The following SLC39A7 variants were observed in gnomAD, a reference collection of about 807,000 sequenced individuals.
SLC39A7 encodes the protein zinc transporter SLC39A7.
SLC39A7 carries 25 observed loss-of-function variants against 39.7 expected under a neutral mutation model. The ratio of observed to expected loss-of-function variants is 0.63; its 90% CI spans 0.46 to 0.88. The LOEUF is 0.88. SLC39A7 is among the 40% of genes least tolerant of loss of function. The probability of loss-of-function intolerance (pLI) is 0.00; values close to 1 mark genes in which losing one functional copy is unlikely to be tolerated. For missense variants in SLC39A7, 501 were observed against 592.1 expected (o/e 0.85, Z 1.60); for synonymous variants, 181 against 234.1 (o/e 0.77, Z 2.07).
rs747627669 is a variant in SLC39A7, at chr6:33,203,755, A to G, written c.1352A>G (p.Glu451Gly). ...GCATCACCATTGCAATCACTTCTGGAGGTGCTGGGGCTGCTGGGGGGAGTT... is the reference window on the plus strand; with the variant it reads ...GCATCACCATTGCAATCACTTCTGGGGGTGCTGGGGCTGCTGGGGGGAGTT... ...REASPLQSLL[E>G]VLGLLGGVIM... Residue 451 changes from glutamate to glycine, a missense_variant, in exon 7 of 7, where the codon GAG (glutamate) becomes GGG (glycine). Coordinates refer to ENST00000374677, the MANE Select transcript of SLC39A7 (RefSeq NM_006979.3). The G allele has an allele frequency of 1.2e-6, 2 of 1,614,108 alleles. No homozygotes were observed. Among genetic ancestry groups the G allele is most frequent in the Non-Finnish European group, 1.7e-6 (2 of 1,179,998 alleles).
chr6:33,203,987 G>C lies in SLC39A7; in HGVS notation c.*174G>C. The C allele has an allele frequency of 1.5e-6, 1 of 649,244 alleles. No individual in the cohort carries two copies. Among genetic ancestry groups the C allele is most frequent in the Non-Finnish European group, 2.7e-6 (1 of 374,670 alleles). 40.2% of individuals were successfully genotyped at this position (649,244 alleles called of 1,614,324 possible). On this transcript the variant is annotated 3_prime_UTR_variant, in exon 7 of 7. Transcript: ENST00000374677. ...GGCTGGCAGTCTTACAGAGGCTGGA[G>C]CGGTGAGAATGAGAGGCCAGAGGGA... is the stretch of plus-strand genomic sequence containing the variant.
Position 33,202,890 on chromosome 6 carries a change from CTCT to C in SLC39A7, c.941-15_941-13del. 3 of 1,593,774 alleles carry C rather than the reference CTCT, an allele frequency of 1.9e-6. No individual in the cohort carries two copies. Among genetic ancestry groups the C allele is most frequent in the Non-Finnish European group, 2.6e-6 (3 of 1,174,754 alleles). Reference sequence around the variant, plus strand: ...GGTGATGGAAGCCTCTGATCATTTTCTCTTCTTGTCCTGTACAAGACCTGCGTG... The same window carrying C: ...GGTGATGGAAGCCTCTGATCATTTTCTCTTGTCCTGTACAAGACCTGCGTG... On this transcript the variant is annotated splice_polypyrimidine_tract_variant and intron_variant, in intron 5 of 6. Transcript: ENST00000374677.
rs770042776 is a variant in SLC39A7 at position 33,201,685 on chromosome 6, G to A, written c.411+29G>A. 6 of 1,610,992 alleles carry A rather than the reference G, an allele frequency of 3.7e-6. No homozygotes were observed. The highest frequency in any genetic ancestry group is 5.1e-6 in the Non-Finnish European group (6 of 1,177,678). On this transcript the variant is annotated intron_variant, in intron 1 of 6. Transcript: ENST00000374677. This position sits in a 1 kb window ranked among gnomAD's most constrained non-coding sequence, Gnocchi z 5.9. The stretch of plus-strand genomic sequence containing the variant: ...AGTCTCCAGGGGATGGGAGAGAGAA[G>A]GGCTGGTTCTGGATTGTTGGGAAAC...
intron 3 of SLC39A7, 45 bp from the exon 4 acceptor site, chr6:33,202,218 C>T: frequency 7.5e-6 from 12 of 1,597,366 alleles, no homozygotes; most frequent in Non-Finnish European, 1.0e-5. Context: ...GAGGAGGAGT[C>T]TGGAATGCAC....
rs1387675816 is a variant in SLC39A7 at position 33,201,622 on chromosome 6, A to G, written c.377A>G (p.Lys126Arg). 1 of 1,612,112 alleles carries G rather than the reference A, an allele frequency of 6.2e-7. No individual in the cohort carries two copies. Among genetic ancestry groups the G allele is most frequent in the Non-Finnish European group, 8.5e-7 (1 of 1,178,542 alleles). The change falls in exon 1 of 7, where the codon AAG (lysine) becomes AGG (arginine). Residue 126 changes from lysine to arginine, a missense_variant. Physicochemically the swap from Lys to Arg is conservative, Grantham distance 26. Transcript: ENST00000374677. The surrounding 1 kb of genome is among the most constrained non-coding windows in gnomAD (Gnocchi z 5.9). ...GYGESGAPGI[K>R]QDLDAVTLWA... is the part of the protein sequence containing the mutation. The stretch of plus-strand genomic sequence containing the variant: ...GGGGAGTCTGGGGCTCCAGGCATCA[A>G]GCAGGACCTGGATGCTGTCACTCTC...
At position 33,201,163 on chromosome 6, in the gene SLC39A7, G is replaced by T; in HGVS notation, c.-83G>T. The T allele has an allele frequency of 1.5e-6, 2 of 1,342,230 alleles. No individual in the cohort carries two copies. Among genetic ancestry groups the T allele is most frequent in the East Asian group, 2.3e-5 (1 of 43,554 alleles). The allele number at this position is 1,342,230 out of a possible 1,614,324, so 83.1% of individuals were successfully genotyped here. ...AGCGGCCCATAGAGGTGGACGGAGG[G>T]CGCGATTGGAGTAAAGCGGACCCTG... On this transcript the variant is annotated 5_prime_UTR_variant, in exon 1 of 7. Transcript: ENST00000374677. This position sits in a 1 kb window ranked among gnomAD's most constrained non-coding sequence, Gnocchi z 5.9.
Position 33,203,954 on chromosome 6 carries a change from C to T in SLC39A7, c.*141C>T. The T allele has an allele frequency of 1.3e-6, 1 of 780,900 alleles. No homozygotes were observed. The highest frequency in any genetic ancestry group is 2.4e-5 in the Admixed American group (1 of 41,672). 48.4% of individuals were successfully genotyped at this position (780,900 alleles called of 1,614,324 possible). A position where few individuals can be genotyped will look rare whatever the true frequency, so the allele number is the denominator to read the frequency against. On this transcript the variant is annotated 3_prime_UTR_variant, in exon 7 of 7. Transcript: ENST00000374677. Reference sequence around the variant, plus strand: ...GAGAATGGTTACTTTGGCATTAGGGCCTTCAAGGGCTGGCAGTCTTACAGA... The same window carrying T: ...GAGAATGGTTACTTTGGCATTAGGGTCTTCAAGGGCTGGCAGTCTTACAGA...
Position 33,201,427 on chromosome 6 carries a change from C to G in SLC39A7, c.182C>G (p.Ala61Gly), listed in dbSNP as rs1774548030. ...GATTTCCACCATGGCCACAGCCATG[C>G]CCATGGCCATGGCCACACTCACGAG... The part of the protein sequence containing the change: ...HEDFHHGHSH[A>G]HGHGHTHESI... The change falls in exon 1 of 7, where the codon GCC (alanine) becomes GGC (glycine). Residue 61 changes from alanine to glycine, a missense_variant. By Grantham distance (60) the Ala-to-Gly change is moderately conservative (BLOSUM62 0). Transcript: ENST00000374677. The surrounding 1 kb of genome is among the most constrained non-coding windows in gnomAD (Gnocchi z 5.9). 2.5e-6 allele frequency: 4 copies of G among 1,613,430 alleles called. No homozygotes were observed. The East Asian group carries it at 8.9e-5, about 36-fold the overall frequency.
chr6:33,201,155 G>A lies in SLC39A7; in HGVS notation c.-91G>A. 1.6e-6 allele frequency: 2 copies of A among 1,277,132 alleles called. No homozygotes were observed. Among genetic ancestry groups the A allele is most frequent in the East Asian group, 2.3e-5 (1 of 43,246 alleles). The allele number at this position is 1,277,132 out of a possible 1,614,324, so 79.1% of individuals were successfully genotyped here. On this transcript the variant is annotated 5_prime_UTR_variant, in exon 1 of 7. Coordinates refer to ENST00000374677, the MANE Select transcript of SLC39A7 (RefSeq NM_006979.3). The surrounding 1 kb of genome is among the most constrained non-coding windows in gnomAD (Gnocchi z 5.9). ...AATGGGAGAGCGGCCCATAGAGGTGGACGGAGGGCGCGATTGGAGTAAAGC... is the reference window on the plus strand; with the variant it reads ...AATGGGAGAGCGGCCCATAGAGGTGAACGGAGGGCGCGATTGGAGTAAAGC...
In SLC39A7 at chr6:33,203,083, C is replaced by T. The variant is rs201790479; in HGVS notation, c.1114C>T (p.Gln372Ter). 85 of 1,594,890 alleles carry T rather than the reference C, an allele frequency of 5.3e-5. No individual in the cohort carries two copies. Among genetic ancestry groups the T allele is most frequent in the Non-Finnish European group, 6.8e-5 (80 of 1,171,648 alleles). Reference sequence around the variant, plus strand: ...GGTCGGAGACTTTGCCATCTTGGTCCAGTCTGGCTGCAGCAAAAAGCAGGT... The same window carrying T: ...GGTCGGAGACTTTGCCATCTTGGTCTAGTCTGGCTGCAGCAAAAAGCAGGT... ...HEVGDFAILVQSGCSKKQAMR... is the reference protein window; with the variant it reads ...HEVGDFAILV Residue 372 changes from glutamine (Q) to a stop codon, truncating the protein, a stop_gained, in exon 6 of 7, where the codon CAG becomes TAG. Coordinates refer to ENST00000374677, the MANE Select transcript of SLC39A7 (RefSeq NM_006979.3). LOFTEE classifies it high-confidence loss of function.
At chr6:33,202,153 G>T (rs768625879) in intron 3 of SLC39A7, 28 bp downstream of exon 3, 8 of 1,611,654 alleles carry the variant, frequency 5.0e-6, no homozygotes, top group Non-Finnish European at 5.9e-6. Flanking sequence ...GGGGATGGGA[G>T]TTGGGGTGCT....
rs2150684450 is a variant in SLC39A7 at position 33,202,281 on chromosome 6, C to T, written c.653C>T (p.Ser218Phe). 4 of 1,613,018 alleles carry T rather than the reference C, an allele frequency of 2.5e-6. No individual in the cohort carries two copies. Among genetic ancestry groups the T allele is most frequent in the Non-Finnish European group, 3.4e-6 (4 of 1,179,996 alleles). ...TTCCCAGGCCAGGGCCCCATTCTGTCTGTGGGACTGTGGGTTCTCAGTGGA... is the reference window on the plus strand; with the variant it reads ...TTCCCAGGCCAGGGCCCCATTCTGTTTGTGGGACTGTGGGTTCTCAGTGGA... ...HSHSGQGPIL[S>F]VGLWVLSGIV... The change falls in exon 4 of 7, where the codon TCT becomes TTT. Residue 218 changes from serine to phenylalanine, a missense_variant. Transcript: ENST00000374677.
chr6:33,201,817 T>C lies in SLC39A7; in HGVS notation c.484T>C (p.Ser162Pro), dbSNP rs576008152. ...CTTCCTTATCCCCGTGGAGTCGAAC[T>C]CTCCCCGGCATCGCTCTCTACTTCA... ...VLFLIPVESN[S>P]PRHRSLLQIL... The change falls in exon 2 of 7, where the codon TCT (serine) becomes CCT (proline). Residue 162 changes from serine to proline, a missense_variant. Physicochemically the swap from Ser to Pro is moderately conservative, Grantham distance 74. Transcript: ENST00000374677. The surrounding 1 kb of genome is among the most constrained non-coding windows in gnomAD (Gnocchi z 5.9). The C allele has an allele frequency of 1.4e-5, 23 of 1,613,286 alleles. No homozygotes were observed. The East Asian group carries it at 4.9e-4, about 34-fold the overall frequency.
At position 33,201,330 on chromosome 6, in the gene SLC39A7, G is replaced by C. The variant is rs1774530025; in HGVS notation, c.85G>C (p.Gly29Arg). The change falls in exon 1 of 7, where the codon GGG (glycine) becomes CGG (arginine). Residue 29 changes from glycine to arginine, a missense_variant. By Grantham distance (125) the Gly-to-Arg change is moderately radical. Transcript: ENST00000374677. This position sits in a 1 kb window ranked among gnomAD's most constrained non-coding sequence, Gnocchi z 5.9. ...ATLGLLVAGL[G>R]GHDDLHDDLQ... ...CTTGGGGCTTCTGGTGGCTGGACTC[G>C]GGGGTCATGACGACCTGCACGACGA... The C allele has an allele frequency of 3.1e-6, 5 of 1,614,116 alleles. No homozygotes were observed. Among genetic ancestry groups the C allele is most frequent in the Non-Finnish European group, 4.2e-6 (5 of 1,180,002 alleles).
chr6:33,201,535 C>T lies in SLC39A7; in HGVS notation c.290C>T (p.Ser97Phe). 1 of 1,614,114 alleles carries T rather than the reference C, an allele frequency of 6.2e-7. No individual in the cohort carries two copies. Among genetic ancestry groups the T allele is most frequent in the Non-Finnish European group, 8.5e-7 (1 of 1,179,960 alleles). ...CACCATGGCCATAGCCATGGCTACTCCCATGAGAGCCTCTACCACAGAGGA... is the reference window on the plus strand; with the variant it reads ...CACCATGGCCATAGCCATGGCTACTTCCATGAGAGCCTCTACCACAGAGGA... ...DLHHGHSHGY[S>F]HESLYHRGHG... The change falls in exon 1 of 7, where the codon TCC (serine) becomes TTC (phenylalanine). Residue 97 changes from serine to phenylalanine, a missense_variant. Ser to Phe is a radical substitution (Grantham distance 155, BLOSUM62 -2). Transcript: ENST00000374677. This position sits in a 1 kb window ranked among gnomAD's most constrained non-coding sequence, Gnocchi z 5.9.
Position 33,201,539 on chromosome 6 carries a change from T to C in SLC39A7, c.294T>C (p.His98=). 1 of 1,614,128 alleles carries C rather than the reference T, an allele frequency of 6.2e-7. No individual in the cohort carries two copies. Among genetic ancestry groups the C allele is most frequent in the Non-Finnish European group, 8.5e-7 (1 of 1,179,992 alleles). ...LHHGHSHGYS[H]ESLYHRGHGH... ...ATGGCCATAGCCATGGCTACTCCCA[T>C]GAGAGCCTCTACCACAGAGGACATG... The change falls in exon 1 of 7, where the codon CAT becomes CAC. Residue 98 remains histidine (H), a synonymous_variant. Transcript: ENST00000374677. The surrounding 1 kb of genome is among the most constrained non-coding windows in gnomAD (Gnocchi z 5.9).
chr6:33,201,861 T>C lies in SLC39A7; in HGVS notation c.528T>C (p.Ala176=). The part of the protein sequence containing the change: ...RSLLQILLSF[A]SGGLLGDAFL... ...TACTTCAGATCTTGCTCAGTTTTGC[T>C]TCCGGTGGGCTCCTGGGAGATGCTT... The change falls in exon 2 of 7, where the codon GCT becomes GCC. Residue 176 remains alanine, a synonymous_variant. Transcript: ENST00000374677. The surrounding 1 kb of genome is among the most constrained non-coding windows in gnomAD (Gnocchi z 5.9). The C allele has an allele frequency of 6.2e-7, 1 of 1,613,092 alleles. No individual in the cohort carries two copies. Among genetic ancestry groups the C allele is most frequent in the Non-Finnish European group, 8.5e-7 (1 of 1,180,008 alleles).
At chr6:33,203,455 C>T in intron 6 of SLC39A7, 86 bp from the exon 7 acceptor site, 1 of 1,389,846 alleles carries the variant, frequency 7.2e-7, no homozygotes, top group Non-Finnish European at 1.0e-6. Flanking sequence ...TCCATGTCCC[C>T]TATACCTATA....
In SLC39A7 at chr6:33,203,961, G is replaced by A. The variant is rs1345260770; in HGVS notation, c.*148G>A. On this transcript the variant is annotated 3_prime_UTR_variant, in exon 7 of 7. Transcript: ENST00000374677. ...GTTACTTTGGCATTAGGGCCTTCAA[G>A]GGCTGGCAGTCTTACAGAGGCTGGA... 1.4e-6 allele frequency: 1 copy of A among 737,410 alleles called. No individual in the cohort carries two copies. Among genetic ancestry groups the A allele is most frequent in the Non-Finnish European group, 2.2e-6 (1 of 446,396 alleles). The allele number at this position is 737,410 out of a possible 1,614,324, so 45.7% of individuals were successfully genotyped here. A position where few individuals can be genotyped will look rare whatever the true frequency, so the allele number is the denominator to read the frequency against.
Sources: allele counts gnomAD v4.1 joint callset, GRCh38; gene constraint gnomAD v4.1.1; non-coding constraint Gnocchi (gnomAD v3.1); transcripts MANE v1.5; gene names NCBI Gene and HGNC (gene_info 2026-07-23, HGNC 2026-07-21).